CFAP92: variants seen among roughly 807,000 people sequenced by gnomAD.
CFAP92 encodes cilia and flagella associated protein 92 (putative).
In CFAP92, 86 loss-of-function variants were observed where a neutral mutation model predicts 106.3. That is an observed-to-expected ratio of 0.81 (90% CI 0.68 to 0.97). CFAP92 has a LOEUF of 0.97. Among genes scored for constraint, CFAP92 ranks in the 50% least tolerant of loss-of-function variants. The probability of loss-of-function intolerance (pLI) is 0.00; values close to 1 mark genes in which losing one functional copy is unlikely to be tolerated. For missense variants in CFAP92, 1,204 were observed against 1,283.8 expected (o/e 0.94, Z 0.95); for synonymous variants, 477 against 506.4 (o/e 0.94, Z 0.78).
chr3:128,935,501 CG>C (rs755423298), intron 10 of CFAP92, among the ~76,000 whole-genome samples, 182 bp from the exon 11 acceptor site: 9 of 152,068 alleles, frequency 5.9e-5, no homozygotes, highest in Non-Finnish European at 1.2e-4. Flanking sequence ...CACATGAGGT[CG>C]GGAGTTCGAG....
At chr3:129,023,980 T>C in the CFAP92 span, among the ~76,000 whole-genome samples, 1 of 152,190 alleles carries the variant, frequency 6.6e-6, no homozygotes, top group Non-Finnish European at 1.5e-5. Context: ...GTAAACTGGA[T>C]GCTTACCCAG....
In CFAP92 at chr3:128,975,849, C is replaced by T. The variant is rs767037675; in HGVS notation, c.951G>A (p.Glu317=). ...TISLAGASMM[E]IKELIESESL... is the part of the protein sequence containing the mutation. ...ATTCACTCTCAATTAATTCCTTGAT[C>T]TCCATCATGCTTGCTCCTGCCAAAG... Residue 317 remains glutamate (E), a synonymous_variant, in exon 7 of 16, where the codon GAG becomes GAA. Coordinates refer to ENST00000645291, the MANE Select transcript of CFAP92 (RefSeq NM_001394090.1). The T allele has an allele frequency of 5.0e-6, 8 of 1,610,082 alleles. No individual in the cohort carries two copies. The highest frequency in any genetic ancestry group is 6.8e-6 in the Non-Finnish European group (8 of 1,177,878).
At chr3:129,008,194 A>G in the CFAP92 span, among the ~76,000 whole-genome samples, 2 of 152,364 alleles carry the variant, frequency 1.3e-5, no homozygotes, top group South Asian at 2.1e-4. Flanking sequence ...CATACCTGGG[A>G]ACAAAACCCC....
At position 128,945,633 on chromosome 3, in the gene CFAP92, C is replaced by T. The variant is rs181211664; in HGVS notation, c.1696G>A (p.Ala566Thr). ...AGGAGGTCAGCAAAACTGACCTGGGCGATGCCATAAGGGTACCACATCTTG... is the reference window on the plus strand; with the variant it reads ...AGGAGGTCAGCAAAACTGACCTGGGTGATGCCATAAGGGTACCACATCTTG... Reference protein sequence around the residue: ...QNKMWYPYGIAQVSFADLLLG... With the variant: ...QNKMWYPYGITQVSFADLLLG... The change falls in exon 10 of 16, where the codon GCC (alanine) becomes ACC (threonine). Residue 566 changes from alanine (A) to threonine (T), a missense_variant. Ala to Thr is a moderately conservative substitution (Grantham distance 58). Transcript: ENST00000645291. 131 of 1,536,038 alleles carry T rather than the reference C, an allele frequency of 8.5e-5. 1 individual carries two copies. The East Asian group carries it at 2.5e-3, about 30-fold the overall frequency.
intron 5 of CFAP92, 121 bp downstream of exon 5, chr3:128,977,924 C>T: frequency 7.8e-7 from 1 of 1,279,360 alleles, no homozygotes; most frequent in Non-Finnish European, 1.1e-6. Context: ...GCCCCGCCCG[C>T]CTCTGCTGCC....
chr3:128,985,076 C>CT (rs1943770838), intron 4 of CFAP92, among the ~76,000 whole-genome samples: 2 of 152,264 alleles, frequency 1.3e-5, no homozygotes, highest in South Asian at 4.1e-4. Flanking sequence ...ATTCGCACTG[C>CT]TTTTTTAATG....
At chr3:128,919,154 G>C (rs1357562870) in intron 12 of CFAP92, among the ~76,000 whole-genome samples, 1 of 151,840 alleles carries the variant, frequency 6.6e-6, no homozygotes, top group East Asian at 1.9e-4. Context: ...ACCATGTTCA[G>C]GCTGGTCTCG....
chr3:129,003,996 G>T (rs1221621631), upstream of CFAP92: 1 of 1,501,996 alleles, frequency 6.7e-7, no homozygotes, highest in South Asian at 1.2e-5. Flanking sequence ...CACCGCGTGC[G>T]AGAGCTGGAG....
the CFAP92 span, among the ~76,000 whole-genome samples, chr3:129,017,871 C>T: frequency 9.9e-5 from 15 of 152,208 alleles, no homozygotes; most frequent in Non-Finnish European, 2.1e-4. Flanking sequence ...TGCCCACCCC[C>T]GTGAGGCAGA....
chr3:128,984,580 A>ATT (rs759347610), intron 4 of CFAP92, among the ~76,000 whole-genome samples: 1 of 152,110 alleles, frequency 6.6e-6, no homozygotes, highest in Non-Finnish European at 1.5e-5. Flanking sequence ...CGGCCTCCCT[A>ATT]TTTTTGAGGT....
intron 15 of CFAP92, 173 bp downstream of exon 15, chr3:128,914,946 G>T: frequency 1.5e-6 from 1 of 649,198 alleles, no homozygotes; most frequent in Non-Finnish European, 2.6e-6. Flanking sequence ...CTGAGTTCCA[G>T]CCCAGCATTC....
chr3:129,001,636 C>T (rs1263082169), intron 1 of CFAP92: 2 of 1,364,578 alleles, frequency 1.5e-6, no homozygotes, highest in South Asian at 1.7e-5. Context: ...GCGATGGAGC[C>T]GGTCAGCACG....
chr3:128,931,355 A>T (rs543002781), intron 12 of CFAP92, among the ~76,000 whole-genome samples: 1 of 150,626 alleles, frequency 6.6e-6, no homozygotes, highest in Non-Finnish European at 1.5e-5. Flanking sequence ...TTCTGTAGAG[A>T]CGGTTTCGCC....
intron 15 of CFAP92, chr3:128,912,987 C>T: frequency 2.1e-6 from 1 of 467,408 alleles, no homozygotes; most frequent in South Asian, 1.5e-5. Context: ...CTCAACCACA[C>T]ATTCTCTAAG....
In CFAP92 at chr3:128,986,819, C is replaced by T. The variant is rs559299468; in HGVS notation, c.667+797G>A. Reference sequence around the variant, plus strand: ...TTCTACCGTCTGGCTTCAAAGCCTGCATCTTTCCATCCCTCCTGGCTCTCT... The same window carrying T: ...TTCTACCGTCTGGCTTCAAAGCCTGTATCTTTCCATCCCTCCTGGCTCTCT... On this transcript the variant is annotated intron_variant, in intron 4 of 15. Coordinates refer to ENST00000645291, the MANE Select transcript of CFAP92 (RefSeq NM_001394090.1). Among the ~76,000 whole-genome samples, 4 of 152,288 alleles carry T rather than the reference C, an allele frequency of 2.6e-5. No individual in the cohort carries two copies. The South Asian group carries it at 8.3e-4, about 32-fold the overall frequency.
At position 128,935,273 on chromosome 3, in the gene CFAP92, G is replaced by C; in HGVS notation, c.2305C>G (p.Gln769Glu). The C allele has an allele frequency of 1.3e-6, 2 of 1,535,880 alleles. No homozygotes were observed. The part of the protein sequence containing the change: ...HRKYKVLYNS[Q>E]LLFRSRLYGD... ...TAGAGCCGGCTGCGGAACAGCAGCT[G>C]TGAGTTGTACAGCACCTTGTATTTC... The change falls in exon 11 of 16, where the codon CAG becomes GAG. Residue 769 changes from glutamine to glutamate, a missense_variant. Coordinates refer to ENST00000645291, the MANE Select transcript of CFAP92 (RefSeq NM_001394090.1).
At chr3:128,928,711 A>G (rs1190935824) in intron 12 of CFAP92, among the ~76,000 whole-genome samples, 3 of 152,346 alleles carry the variant, frequency 2.0e-5, no homozygotes, top group Non-Finnish European at 4.4e-5. Context: ...AGGATATGAA[A>G]TGATCTTCGT....
upstream of CFAP92, among the ~76,000 whole-genome samples, chr3:129,006,312 T>A (rs942442100): frequency 6.6e-6 from 1 of 152,144 alleles, no homozygotes; most frequent in Non-Finnish European, 1.5e-5. Context: ...TGGAGTTCTG[T>A]TTTTTGTTCG....
In CFAP92 at chr3:128,987,657, G is replaced by A. The variant is rs1559934564; in HGVS notation, c.626C>T (p.Thr209Ile). The change falls in exon 4 of 16, where the codon ACT becomes ATT. Residue 209 changes from threonine (T) to isoleucine (I), a missense_variant. Physicochemically the swap from Thr to Ile is moderately conservative, Grantham distance 89. Coordinates refer to ENST00000645291, the MANE Select transcript of CFAP92 (RefSeq NM_001394090.1). ...TCCCACGTCGTCTGTGAAGCCGGCA[G>A]TCTTTAATCGGTAATATCTGACTTT... is the stretch of plus-strand genomic sequence containing the variant. ...SRKVRYYRLK[T>I]AGFTDDVGAF... 6.2e-7 allele frequency: 1 copy of A among 1,614,024 alleles called. No homozygotes were observed. The highest frequency in any genetic ancestry group is 8.5e-7 in the Non-Finnish European group (1 of 1,179,884).
Sources: gnomAD v4.1 joint callset for allele counts (sites outside exome capture counted in the v4.1 genomes callset) on GRCh38, gnomAD v4.1.1 for gene constraint, MANE v1.5 for transcripts, NCBI Gene and HGNC (gene_info 2026-07-23, HGNC 2026-07-21) for gene names.